Variants in RAB23 observed in about 807,000 individuals in gnomAD.
RAB23 encodes RAB23, member RAS oncogene family, also known as ras-related protein Rab-23.
In RAB23, 15 loss-of-function variants were observed where a neutral mutation model predicts 30.0. The observed-to-expected ratio is 0.50, with a 90% CI of 0.33 to 0.77. The LOEUF (loss-of-function observed/expected upper bound fraction) is 0.77, where lower values mean the gene tolerates loss of function less well. Among genes scored for constraint, RAB23 ranks in the 30% least tolerant of loss-of-function variants. The pLI is 0.02. For missense variants in RAB23, 243 were observed against 275.4 expected (o/e 0.88, Z 0.83); for synonymous variants, 93 against 94.0 (o/e 0.99, Z 0.06).
In RAB23 at chr6:57,207,727, T is replaced by C. The variant is rs767420032; in HGVS notation, c.156-14A>G. 1.3e-6 allele frequency: 2 copies of C among 1,514,248 alleles called. No homozygotes were observed. Among genetic ancestry groups the C allele is most frequent in the Non-Finnish European group, 1.8e-6 (2 of 1,091,648 alleles). 93.8% of individuals were successfully genotyped at this position (1,514,248 alleles called of 1,614,324 possible). A position where few individuals can be genotyped will look rare whatever the true frequency, so the allele number is the denominator to read the frequency against. On this transcript the variant is annotated splice_polypyrimidine_tract_variant and intron_variant, in intron 2 of 6. Coordinates refer to ENST00000468148, the MANE Select transcript of RAB23 (RefSeq NM_016277.5). ...TCATCATTAACTCTAAAACAAGAGA[T>C]GAATTTATTTCATATGTAAAGGAAA... is the stretch of plus-strand genomic sequence containing the variant.
intron 3 of RAB23, among the ~76,000 whole-genome samples, chr6:57,204,703 A>G (rs188654653): frequency 2.8e-4 from 43 of 152,300 alleles, no homozygotes; most frequent in African/African-American, 1.0e-3. Flanking sequence ...CTTTTCAGAT[A>G]TATTTCTAAG....
intron 3 of RAB23, among the ~76,000 whole-genome samples, chr6:57,197,731 C>T (rs959527274): frequency 3.9e-5 from 6 of 152,030 alleles, no homozygotes; most frequent in Non-Finnish European, 8.8e-5. Context: ...ACCCTAAAAA[C>T]AGGTTTTTTG....
intron 1 of RAB23, among the ~76,000 whole-genome samples, chr6:57,212,943 A>T (rs536402382): frequency 6.6e-6 from 1 of 152,150 alleles, no homozygotes; most frequent in East Asian, 1.9e-4. Flanking sequence ...CCCTCTGAGT[A>T]TACGATCAGA....
rs1454253077 is a variant in RAB23, at chr6:57,210,333, C to G, written c.48G>C (p.Gly16=). Residue 16 remains glycine, a synonymous_variant, in exon 2 of 7, where the codon GGG becomes GGC. Coordinates refer to ENST00000468148, the MANE Select transcript of RAB23 (RefSeq NM_016277.5). ...MEVAIKMVVV[G]NGAVGKSSMI... ...TACTTGATTTTCCAACTGCTCCATT[C>G]CCTACAACCACCATCTTTATGGCGA... 6.2e-6 allele frequency: 10 copies of G among 1,613,946 alleles called. No homozygotes were observed. Among genetic ancestry groups the G allele is most frequent in the Non-Finnish European group, 7.6e-6 (9 of 1,179,968 alleles).
chr6:57,210,183 T>C (rs758846087), intron 2 of RAB23, 43 bp downstream of exon 2: 2 of 1,592,868 alleles, frequency 1.3e-6, no homozygotes, highest in East Asian at 4.5e-5. Flanking sequence ...TTGGATATAG[T>C]TCACAAATCA....
chr6:57,220,361 T>A (rs1288939597), intron 1 of RAB23, among the ~76,000 whole-genome samples: 5 of 152,232 alleles, frequency 3.3e-5, no homozygotes, highest in African/African-American at 1.2e-4. Flanking sequence ...TTTTAAAAGT[T>A]AAACATACAT....
intron 3 of RAB23, among the ~76,000 whole-genome samples, chr6:57,204,808 T>C (rs3800018): frequency 0.11 from 16,537 of 152,088 alleles, 1,122 homozygotes; most frequent in Middle Eastern, 0.17. Context: ...CAGAGACACT[T>C]AATACACATT....
At chr6:57,221,608 C>G (rs1421720132) in intron 1 of RAB23, 118 bp downstream of exon 1, 1 of 152,444 alleles carries the variant, frequency 6.6e-6, no homozygotes, top group East Asian at 1.9e-4. Context: ...CCGGGTCGCC[C>G]CTTCCCCAGT....
rs201306901 is a variant in RAB23 at position 57,196,513 on chromosome 6, C to A, written c.335G>T (p.Gly112Val). Residue 112 changes from glycine (G) to valine (V), a missense_variant, in exon 4 of 7, where the codon GGA becomes GTA. By Grantham distance (109) the Gly-to-Val change is moderately radical (BLOSUM62 -3). Transcript: ENST00000468148. The stretch of plus-strand genomic sequence containing the variant: ...TTGCACAAGTACAGTTGGTATATCT[C>A]CCACTTCGGCTACTACTTTCTCTCT... ...SWREKVVAEV[G>V]DIPTVLVQNK... 47 of 1,614,034 alleles carry A rather than the reference C, an allele frequency of 2.9e-5. No individual in the cohort carries two copies. Among genetic ancestry groups the A allele is most frequent in the Non-Finnish European group, 3.7e-5 (44 of 1,179,970 alleles).
intron 1 of RAB23, among the ~76,000 whole-genome samples, chr6:57,215,648 G>A (rs1446092219): frequency 5.3e-5 from 8 of 152,140 alleles, no homozygotes; most frequent in Non-Finnish European, 1.2e-4. Flanking sequence ...ACAGCTAATG[G>A]AAGTTCTCAG....
chr6:57,196,371 C>T (rs1315118191), intron 4 of RAB23, 79 bp downstream of exon 4: 2 of 1,539,570 alleles, frequency 1.3e-6, no homozygotes, highest in African/African-American at 2.7e-5. Context: ...TTCCTAGAAC[C>T]TGTAAAACTA....
intron 6 of RAB23, among the ~76,000 whole-genome samples, chr6:57,193,639 C>G (rs368302023): frequency 1.3e-5 from 2 of 152,106 alleles, no homozygotes; most frequent in East Asian, 3.8e-4. Flanking sequence ...TGTGTTTAAT[C>G]TATCAAATGG....
chr6:57,206,353 C>T (rs1765456470), intron 3 of RAB23, among the ~76,000 whole-genome samples: 1 of 152,032 alleles, frequency 6.6e-6, no homozygotes, highest in African/African-American at 2.4e-5. Context: ...TAGCAAGCCA[C>T]AAGCCACCAG....
intron 3 of RAB23, among the ~76,000 whole-genome samples, chr6:57,197,256 A>G (rs972595881): frequency 2.6e-5 from 4 of 152,252 alleles, no homozygotes; most frequent in Non-Finnish European, 5.9e-5. Flanking sequence ...GGGGAAACTT[A>G]GTTTTACCCT....
chr6:57,190,329 A>G lies in RAB23; in HGVS notation c.*132T>C. 1 of 1,090,026 alleles carries G rather than the reference A, an allele frequency of 9.2e-7. No individual in the cohort carries two copies. The highest frequency in any genetic ancestry group is 1.4e-6 in the Non-Finnish European group (1 of 722,296). 67.5% of individuals were successfully genotyped at this position (1,090,026 alleles called of 1,614,324 possible). A position where few individuals can be genotyped will look rare whatever the true frequency, so the allele number is the denominator to read the frequency against. On this transcript the variant is annotated 3_prime_UTR_variant, in exon 7 of 7. Transcript: ENST00000468148. The stretch of plus-strand genomic sequence containing the variant: ...ATTCTGAAAAGCACTGCAGAGCAAT[A>G]TTTAAGTCTGTCACTTTCAGAGAGC...
rs1554307961 is a variant in RAB23, at chr6:57,188,502, T to TAAC, written c.*1956_*1958dup. ...GAAAAAGAACTAACTAGAACACATATAACAAGTGATTTTTCTGCCAATAAA... is the reference window on the plus strand; with the variant it reads ...GAAAAAGAACTAACTAGAACACATATAACAACAAGTGATTTTTCTGCCAATAAA... On this transcript the variant is annotated 3_prime_UTR_variant, in exon 7 of 7. Coordinates refer to ENST00000468148, the MANE Select transcript of RAB23 (RefSeq NM_016277.5). The TAAC allele has an allele frequency of 1.3e-5, 2 of 152,112 alleles. No individual in the cohort carries two copies. The highest frequency in any genetic ancestry group is 2.4e-5 in the African/African-American group (1 of 41,432). The allele number at this position is 152,112 out of a possible 1,614,324, so 9.4% of individuals were successfully genotyped here.
chr6:57,208,254 G>A (rs891015671), intron 2 of RAB23, among the ~76,000 whole-genome samples: 1 of 152,112 alleles, frequency 6.6e-6, no homozygotes, highest in Non-Finnish European at 1.5e-5. Flanking sequence ...TAACGTTTTG[G>A]GAAGGGGAAT....
In RAB23 at chr6:57,207,682, A is replaced by T. The variant is rs756128993; in HGVS notation, c.187T>A (p.Trp63Arg). 1 of 1,604,980 alleles carries T rather than the reference A, an allele frequency of 6.2e-7. No homozygotes were observed. The highest frequency in any genetic ancestry group is 1.3e-5 in the African/African-American group (1 of 74,832). Residue 63 changes from tryptophan to arginine, a missense_variant, in exon 3 of 7, where the codon TGG becomes AGG. Trp to Arg is a moderately radical substitution (Grantham distance 101). Coordinates refer to ENST00000468148, the MANE Select transcript of RAB23 (RefSeq NM_016277.5). The stretch of plus-strand genomic sequence containing the variant: ...AATTCCTCCTGACCTGCAGTGTCCC[A>T]TAACATTAGTCTGACATCTTCATCA... ...VNDEDVRLML[W>R]DTAGQEEFDA...
At chr6:57,194,004 T>G in intron 5 of RAB23, 70 bp from the exon 6 acceptor site, 1 of 1,548,930 alleles carries the variant, frequency 6.5e-7, no homozygotes, top group Non-Finnish European at 8.7e-7. Context: ...TTTCACATCA[T>G]TTGTAATATT....
Sources: gnomAD v4.1 joint callset for allele counts (sites outside exome capture counted in the v4.1 genomes callset) on GRCh38, gnomAD v4.1.1 for gene constraint, MANE v1.5 for transcripts, NCBI Gene and HGNC (gene_info 2026-07-23, HGNC 2026-07-21) for gene names.